KIF16B: variants seen among roughly 807,000 people sequenced by gnomAD.
KIF16B encodes the protein kinesin family member 16B.
KIF16B carries 98 observed loss-of-function variants against 156.3 expected under a neutral mutation model. The observed-to-expected ratio is 0.63, with a 90% confidence interval of 0.53 to 0.74. KIF16B has a LOEUF of 0.74. Among genes scored for constraint, KIF16B ranks in the 30% least tolerant of loss-of-function variants. The pLI is 0.00. For missense variants in KIF16B, 1,421 were observed against 1,606.5 expected (o/e 0.88, Z 1.97); for synonymous variants, 564 against 583.7 (o/e 0.97, Z 0.49).
chr20:16,434,357 C>A (rs1275991493), intron 12 of KIF16B, among the ~76,000 whole-genome samples: 1 of 152,186 alleles, frequency 6.6e-6, no homozygotes, highest in Non-Finnish European at 1.5e-5. Context: ...GTGTAACCAC[C>A]GTAATGGTTT....
chr20:16,479,819 T>A (rs777273028), intron 12 of KIF16B, among the ~76,000 whole-genome samples: 1 of 152,220 alleles, frequency 6.6e-6, no homozygotes, highest in African/African-American at 2.4e-5. Flanking sequence ...TGTAAGTCAC[T>A]CTATGATGTT....
At chr20:16,341,944 A>G (rs756632505) in intron 23 of KIF16B, among the ~76,000 whole-genome samples, 17 of 152,222 alleles carry the variant, frequency 1.1e-4, no homozygotes, top group Non-Finnish European at 2.4e-4. Context: ...ACGTGTGAAT[A>G]AAGAAATATA....
intron 17 of KIF16B, among the ~76,000 whole-genome samples, chr20:16,400,802 C>T (rs556829076): frequency 6.6e-6 from 1 of 152,280 alleles, no homozygotes; most frequent in South Asian, 2.1e-4. Context: ...AGTGGTTAAA[C>T]TCATGGAGAC....
intron 12 of KIF16B, among the ~76,000 whole-genome samples, chr20:16,448,413 T>C (rs2066990900): frequency 6.6e-6 from 1 of 152,118 alleles, no homozygotes; most frequent in East Asian, 1.9e-4. Flanking sequence ...CAAGCCAAAC[T>C]AGACAAATGA....
In KIF16B at chr20:16,471,168, C is replaced by A. The variant is rs181637872; in HGVS notation, c.1302+23123G>T. 6.6e-5 allele frequency among the ~76,000 whole-genome samples: 10 copies of A among 152,258 alleles called. No individual in the cohort carries two copies. In the East Asian group the frequency reaches 1.7e-3, roughly 26 times the overall value. On this transcript the variant is annotated intron_variant, in intron 12 of 25. Transcript: ENST00000354981. ...ATGATGCCCTCTGGAAACTTTCCGTCTCCATGAGTTTACAAAATTTAAAAA... is the reference window on the plus strand; with the variant it reads ...ATGATGCCCTCTGGAAACTTTCCGTATCCATGAGTTTACAAAATTTAAAAA...
At position 16,536,038 on chromosome 20, in the gene KIF16B, C is replaced by T. The variant is rs144488914; in HGVS notation, c.48-7598G>A. Among the ~76,000 whole-genome samples the T allele has an allele frequency of 4.4e-3, 675 of 152,204 alleles. 2 individuals are homozygous for T. Among genetic ancestry groups the T allele is most frequent in the Admixed American group, 5.9e-3 (90 of 15,276 alleles). On this transcript the variant is annotated intron_variant, in intron 1 of 25. Coordinates refer to ENST00000354981, the MANE Select transcript of KIF16B (RefSeq NM_024704.5). ...ATATATCAAAGGGAAACCTGCACTC[C>T]CATGTTTATTGAAGCACTATTCACA...
intron 11 of KIF16B, among the ~76,000 whole-genome samples, chr20:16,495,890 C>G (rs1466489570): frequency 6.6e-6 from 1 of 152,150 alleles, no homozygotes; most frequent in Non-Finnish European, 1.5e-5. Context: ...GAGGTCTCAT[C>G]ATGTCACCCA....
At chr20:16,303,553 A>AT (rs964517684) in intron 25 of KIF16B, among the ~76,000 whole-genome samples, 7 of 152,154 alleles carry the variant, frequency 4.6e-5, no homozygotes, top group Admixed American at 1.3e-4. Context: ...CTCATTTTGA[A>AT]TTTTTTTGTA....
At chr20:16,280,625 G>A (rs944738936) in intron 25 of KIF16B, among the ~76,000 whole-genome samples, 2 of 152,340 alleles carry the variant, frequency 1.3e-5, no homozygotes, top group South Asian at 2.1e-4. Flanking sequence ...GAGATTCCAA[G>A]GGGCAGTGAC....
At chr20:16,395,319 C>G (rs1395729069) in intron 17 of KIF16B, among the ~76,000 whole-genome samples, 1 of 3,216 alleles carries the variant, frequency 3.1e-4, no homozygotes, top group Non-Finnish European at 6.1e-4. Flanking sequence ...GAGGGGAGGC[C>G]AAGGGAGGGG....
intron 23 of KIF16B, among the ~76,000 whole-genome samples, chr20:16,349,745 A>T (rs1341231950): frequency 6.6e-6 from 1 of 152,192 alleles, no homozygotes; most frequent in Non-Finnish European, 1.5e-5. Context: ...AGTTGTAAAA[A>T]CAAGATCCAA....
chr20:16,507,357 C>T (rs2068816108), intron 7 of KIF16B, among the ~76,000 whole-genome samples: 1 of 152,124 alleles, frequency 6.6e-6, no homozygotes, highest in Non-Finnish European at 1.5e-5. Flanking sequence ...TCCCCAAGCT[C>T]CTAGCATATA....
intron 12 of KIF16B, among the ~76,000 whole-genome samples, chr20:16,448,329 C>A (rs760017323): frequency 3.3e-5 from 5 of 151,934 alleles, no homozygotes; most frequent in African/African-American, 1.2e-4. Flanking sequence ...GATGCTTCCA[C>A]GTATTATGGA....
chr20:16,555,073 T>G (rs1442870310), intron 1 of KIF16B, among the ~76,000 whole-genome samples: 1 of 152,186 alleles, frequency 6.6e-6, no homozygotes, highest in African/African-American at 2.4e-5. Flanking sequence ...TGAGCAAAAC[T>G]TGGGCAAAGG....
At chr20:16,470,330 T>G (rs1458786053) in intron 12 of KIF16B, among the ~76,000 whole-genome samples, 5 of 152,156 alleles carry the variant, frequency 3.3e-5, no homozygotes, top group African/African-American at 9.7e-5. Flanking sequence ...AGGTAAATTC[T>G]AAATTTTGAG....
chr20:16,528,609 T>C lies in KIF16B; in HGVS notation c.48-169A>G, dbSNP rs931536983. On this transcript the variant is annotated intron_variant, in intron 1 of 25. Coordinates refer to ENST00000354981, the MANE Select transcript of KIF16B (RefSeq NM_024704.5). ...CTCCCAAATCCTTACTAATATAACATGAAGATACGCAAAATGATGCCACCA... is the reference window on the plus strand; with the variant it reads ...CTCCCAAATCCTTACTAATATAACACGAAGATACGCAAAATGATGCCACCA... Among the ~76,000 whole-genome samples, 5 of 152,152 alleles carry C rather than the reference T, an allele frequency of 3.3e-5. No individual in the cohort carries two copies. The East Asian group carries it at 7.7e-4, about 23-fold the overall frequency.
At chr20:16,567,954 A>G (rs2071320573) in intron 1 of KIF16B, among the ~76,000 whole-genome samples, 1 of 152,220 alleles carries the variant, frequency 6.6e-6, no homozygotes, top group African/African-American at 2.4e-5. Flanking sequence ...TTCGTCTCAA[A>G]AAAAAGAAAT....
chr20:16,547,992 G>A (rs761040498), intron 1 of KIF16B, among the ~76,000 whole-genome samples: 2 of 152,140 alleles, frequency 1.3e-5, no homozygotes, highest in Non-Finnish European at 2.9e-5. Context: ...AGTGTCAGCT[G>A]AGAAGGGTGA....
chr20:16,486,906 T>C (rs2068132437), intron 12 of KIF16B, among the ~76,000 whole-genome samples: 1 of 151,850 alleles, frequency 6.6e-6, no homozygotes, highest in Non-Finnish European at 1.5e-5. Flanking sequence ...TAAATAAAAT[T>C]ATCCCCCAGA....
Sources: allele counts gnomAD v4.1 joint callset (sites outside exome capture counted in the v4.1 genomes callset), GRCh38; gene constraint gnomAD v4.1.1; transcripts MANE v1.5; gene names NCBI Gene and HGNC (gene_info 2026-07-23, HGNC 2026-07-21).